The following CPNE5 variants were observed in gnomAD, a reference collection of about 807,000 sequenced individuals.
The protein encoded by CPNE5 is copine 5, also known as copine-5.
In CPNE5, 42 loss-of-function variants were observed where a neutral mutation model predicts 81.1. That is an observed-to-expected ratio of 0.52 (90% CI 0.40 to 0.67). The LOEUF (loss-of-function observed/expected upper bound fraction) is 0.67, where lower values mean the gene tolerates loss of function less well. Among genes scored for constraint, CPNE5 ranks in the 30% least tolerant of loss-of-function variants. CPNE5 has a pLI of 0.00. For missense variants in CPNE5, 612 were observed against 815.5 expected (o/e 0.75, Z 3.04); for synonymous variants, 313 against 321.5 (o/e 0.97, Z 0.28).
intron 1 of CPNE5, among the ~76,000 whole-genome samples, chr6:36,829,359 T>C (rs1772783979): frequency 6.6e-6 from 1 of 151,606 alleles, no homozygotes. Context: ...TAGCCGGGTG[T>C]GGTGGTGTGT....
At chr6:36,807,480 A>G (rs771849554) in intron 3 of CPNE5, among the ~76,000 whole-genome samples, 2 of 152,148 alleles carry the variant, frequency 1.3e-5, no homozygotes, top group Non-Finnish European at 2.9e-5. Flanking sequence ...GTGATCCCAC[A>G]CTCTGGTTCT....
intron 3 of CPNE5, among the ~76,000 whole-genome samples, chr6:36,811,522 C>T (rs948761209): frequency 9.2e-5 from 14 of 152,290 alleles, no homozygotes; most frequent in Admixed American, 7.8e-4. Flanking sequence ...CATTTTTAAA[C>T]TTGACTTTGG....
intron 3 of CPNE5, among the ~76,000 whole-genome samples, chr6:36,815,753 C>A (rs1362469894): frequency 6.6e-6 from 1 of 152,242 alleles, no homozygotes; most frequent in Non-Finnish European, 1.5e-5. Context: ...GATGAACCAT[C>A]AATTTCAGCT....
chr6:36,778,662 T>A (rs1243637270), intron 9 of CPNE5, among the ~76,000 whole-genome samples, 192 bp downstream of exon 9: 1 of 151,988 alleles, frequency 6.6e-6, no homozygotes, highest in Non-Finnish European at 1.5e-5. Flanking sequence ...TGCTGCCACC[T>A]CCCACCGACC....
intron 8 of CPNE5, among the ~76,000 whole-genome samples, chr6:36,787,332 A>G (rs1768651753): frequency 6.6e-6 from 1 of 151,418 alleles, no homozygotes; most frequent in African/African-American, 2.4e-5. Context: ...TCTGGCCCCA[A>G]CTCCCACCAT....
intron 10 of CPNE5, among the ~76,000 whole-genome samples, chr6:36,769,591 C>T (rs897301061): frequency 2.6e-5 from 4 of 152,226 alleles, no homozygotes; most frequent in Admixed American, 1.3e-4. Context: ...CTTAAATGGA[C>T]TTGAGTCAGT....
At chr6:36,764,234 A>C (rs1766337914) in intron 11 of CPNE5, among the ~76,000 whole-genome samples, 1 of 152,098 alleles carries the variant, frequency 6.6e-6, no homozygotes, top group Non-Finnish European at 1.5e-5. Context: ...CAGGCAAAGG[A>C]GTACAGGAAC....
intron 3 of CPNE5, among the ~76,000 whole-genome samples, chr6:36,806,839 C>A (rs539524321): frequency 2.3e-4 from 35 of 152,342 alleles, no homozygotes; most frequent in African/African-American, 7.7e-4. Flanking sequence ...TGTGCCAGCC[C>A]TTTGGGACGT....
At chr6:36,788,686 C>A (rs779464744) in intron 8 of CPNE5, among the ~76,000 whole-genome samples, 3 of 151,946 alleles carry the variant, frequency 2.0e-5, no homozygotes, top group Non-Finnish European at 4.4e-5. Context: ...CGTTTTACTG[C>A]TGAGCAGAAT....
chr6:36,822,139 C>T lies in CPNE5; in HGVS notation c.158G>A (p.Gly53Glu). 6.5e-7 allele frequency: 1 copy of T among 1,537,668 alleles called. No individual in the cohort carries two copies. The highest frequency in any genetic ancestry group is 8.8e-7 in the Non-Finnish European group (1 of 1,136,362). Reference protein sequence around the residue: ...SDPLCVMYTQGMENKQWREFG... With the variant: ...SDPLCVMYTQEMENKQWREFG... Reference sequence around the variant, plus strand: ...CTCCCGCCACTGCTTGTTCTCCATCCCTTGGGTATACATGACGCACACTGC... The same window carrying T: ...CTCCCGCCACTGCTTGTTCTCCATCTCTTGGGTATACATGACGCACACTGC... Residue 53 changes from glycine to glutamate, a missense_variant, in exon 3 of 21, where the codon GGG becomes GAG. Physicochemically the swap from Gly to Glu is moderately conservative, Grantham distance 98. Transcript: ENST00000244751.
chr6:36,795,669 TTGA>T (rs538125798), intron 6 of CPNE5, among the ~76,000 whole-genome samples: 12 of 152,336 alleles, frequency 7.9e-5, no homozygotes, highest in Non-Finnish European at 1.5e-4. Flanking sequence ...TGTTGACATC[TTGA>T]TCTCCGACGT....
chr6:36,827,838 C>A (rs1772637130), intron 1 of CPNE5: 1 of 803,354 alleles, frequency 1.2e-6, no homozygotes, highest in Non-Finnish European at 1.5e-6. Flanking sequence ...CTTTGGAGAG[C>A]ACAAAGAGAA....
chr6:36,746,327 C>A lies in CPNE5; in HGVS notation c.1200+69G>T. 7.2e-7 allele frequency: 1 copy of A among 1,394,602 alleles called. No homozygotes were observed. The highest frequency in any genetic ancestry group is 9.5e-7 in the Non-Finnish European group (1 of 1,052,478). 86.4% of individuals were successfully genotyped at this position (1,394,602 alleles called of 1,614,324 possible). On this transcript the variant is annotated intron_variant, in intron 16 of 20. Transcript: ENST00000244751. The surrounding 1 kb of genome is among the most constrained non-coding windows in gnomAD (Gnocchi z 4.5). ...CGGGCTCAGAGGAAGGGAAACGTCC[C>A]CCCACCCCCAGCTTGTCACCTCACC... is the stretch of plus-strand genomic sequence containing the variant.
chr6:36,815,773 A>G (rs1771489683), intron 3 of CPNE5, among the ~76,000 whole-genome samples: 1 of 152,220 alleles, frequency 6.6e-6, no homozygotes, highest in South Asian at 2.1e-4. Context: ...TGCTGGTGAA[A>G]AGTTTAACAG....
intron 14 of CPNE5, chr6:36,752,754 C>G (rs1764984786): frequency 3.6e-6 from 1 of 278,408 alleles, no homozygotes; most frequent in African/African-American, 2.2e-5. Context: ...GTCACGGAGT[C>G]CCTACCAGCT....
At chr6:36,831,239 G>A (rs887507011) in intron 1 of CPNE5, among the ~76,000 whole-genome samples, 2 of 151,884 alleles carry the variant, frequency 1.3e-5, no homozygotes, top group African/African-American at 4.8e-5. Flanking sequence ...ATTTTCAGTA[G>A]AGATGTGGTT....
intron 3 of CPNE5, among the ~76,000 whole-genome samples, chr6:36,821,227 CG>C (rs1772020391): frequency 6.9e-6 from 1 of 143,928 alleles, no homozygotes; most frequent in Non-Finnish European, 1.5e-5. Flanking sequence ...GGCCTGGAGG[CG>C]GGGGCGGGCC....
intron 7 of CPNE5, among the ~76,000 whole-genome samples, chr6:36,794,304 C>A (rs1769367726): frequency 6.6e-6 from 1 of 152,118 alleles, no homozygotes; most frequent in South Asian, 2.1e-4. Context: ...TAGACAACAT[C>A]CCCCACCTGT....
intron 1 of CPNE5, among the ~76,000 whole-genome samples, chr6:36,834,060 C>G (rs1561833101): frequency 6.6e-6 from 1 of 150,786 alleles, no homozygotes; most frequent in Non-Finnish European, 1.5e-5. Context: ...ATGACCTCAC[C>G]TCTACAAAAC....
Sources: gnomAD v4.1 joint callset for allele counts (sites outside exome capture counted in the v4.1 genomes callset) on GRCh38, gnomAD v4.1.1 for gene constraint, Gnocchi (gnomAD v3.1) non-coding constraint, MANE v1.5 for transcripts, NCBI Gene and HGNC (gene_info 2026-07-23, HGNC 2026-07-21) for gene names.